The following CDH13 variants were observed in gnomAD, a reference collection of about 807,000 sequenced individuals.
CDH13 encodes the protein cadherin 13.
In CDH13, 24 loss-of-function variants were observed where a neutral mutation model predicts 63.8. The observed-to-expected ratio is 0.38, with a 90% confidence interval of 0.27 to 0.53. The LOEUF is 0.53. CDH13 is among the 20% of genes least tolerant of loss of function. The pLI is 0.85. For missense variants in CDH13, 1,049 were observed against 903.1 expected, an observed-to-expected ratio of 1.16 and a Z score of -2.07; for synonymous variants, 503 against 355.3, an observed-to-expected ratio of 1.42 and a Z score of -4.67.
chr16:83,733,726 C>T (rs1315004459), intron 10 of CDH13, among the ~76,000 whole-genome samples: 2 of 152,184 alleles, frequency 1.3e-5, no homozygotes, highest in African/African-American at 2.4e-5. Flanking sequence ...AGAACAAATA[C>T]AGAGGGGTGA....
chr16:82,909,062 A>C (rs1276803693), intron 2 of CDH13, among the ~76,000 whole-genome samples: 2 of 152,196 alleles, frequency 1.3e-5, no homozygotes, highest in African/African-American at 4.8e-5. Context: ...ACTATACTTT[A>C]AATCATCTCT....
chr16:82,890,508 C>T (rs1329841107), intron 2 of CDH13, among the ~76,000 whole-genome samples: 1 of 152,148 alleles, frequency 6.6e-6, no homozygotes. Context: ...GCTATGGAGT[C>T]ATCAACAGAT....
chr16:83,378,999 A>G (rs1270474156), intron 6 of CDH13, among the ~76,000 whole-genome samples: 1 of 143,218 alleles, frequency 7.0e-6, no homozygotes, highest in African/African-American at 2.5e-5. Flanking sequence ...ATCTATATAT[A>G]TATATATACA....
At chr16:82,697,130 C>A (rs1361016912) in intron 1 of CDH13, among the ~76,000 whole-genome samples, 1 of 152,160 alleles carries the variant, frequency 6.6e-6, no homozygotes, top group Non-Finnish European at 1.5e-5. Flanking sequence ...ATACTGAGTC[C>A]AGGTCCACAC....
At chr16:82,924,745 A>C (rs1429327086) in intron 2 of CDH13, among the ~76,000 whole-genome samples, 1 of 152,194 alleles carries the variant, frequency 6.6e-6, no homozygotes. Flanking sequence ...CCTTCTCAGA[A>C]TACAGAATGA....
In CDH13 at chr16:83,604,715, A is replaced by G. The variant is rs142605006; in HGVS notation, c.1101+2121A>G. ...ATTTCTTTTCAACCTATTTCAAAAT[A>G]AAAACTCAGAGCACATTGTAATATT... On this transcript the variant is annotated intron_variant, in intron 8 of 13. Coordinates refer to ENST00000567109, the MANE Select transcript of CDH13 (RefSeq NM_001257.5). Among the ~76,000 whole-genome samples the G allele has an allele frequency of 6.8e-4, 103 of 152,308 alleles. 2 individuals carry two copies. Among genetic ancestry groups the G allele is most frequent in the Middle Eastern group, 3.4e-3 (1 of 294 alleles).
intron 2 of CDH13, among the ~76,000 whole-genome samples, chr16:82,891,468 T>C (rs1401542172): frequency 6.6e-6 from 1 of 152,216 alleles, no homozygotes. Flanking sequence ...CAACACATTG[T>C]TGAAAATACT....
chr16:83,000,606 T>C (rs182752669), intron 2 of CDH13, among the ~76,000 whole-genome samples: 214 of 150,758 alleles, frequency 1.4e-3, no homozygotes, highest in African/African-American at 5.0e-3. Flanking sequence ...GTTTTGTTTT[T>C]TGAGAGGGAG....
At chr16:83,480,939 G>T (rs1288775817) in intron 6 of CDH13, among the ~76,000 whole-genome samples, 1 of 152,170 alleles carries the variant, frequency 6.6e-6, no homozygotes, top group Admixed American at 6.5e-5. Flanking sequence ...TGACACAGGG[G>T]CAAACACACA....
At chr16:83,451,118 G>A (rs1250302734) in intron 6 of CDH13, among the ~76,000 whole-genome samples, 1 of 152,190 alleles carries the variant, frequency 6.6e-6, no homozygotes, top group Non-Finnish European at 1.5e-5. Context: ...ACATGTTTCT[G>A]AAGCAAAGGA....
At chr16:82,972,153 C>T (rs181393813) in intron 2 of CDH13, among the ~76,000 whole-genome samples, 2 of 152,130 alleles carry the variant, frequency 1.3e-5, no homozygotes, top group African/African-American at 4.8e-5. Flanking sequence ...TGATTAGGCA[C>T]AGAGCAGGAC....
At position 83,346,821 on chromosome 16, in the gene CDH13, T is replaced by C. The variant is rs148739707; in HGVS notation, c.781+1815T>C. Among the ~76,000 whole-genome samples, 889 of 152,368 alleles carry C rather than the reference T, an allele frequency of 5.8e-3. 12 individuals carry two copies. The highest frequency in any genetic ancestry group is 0.021 in the African/African-American group (865 of 41,590). ...TTTGTGTATTTTTTAGATAGAGTTC[T>C]TTATGCACATTGAATTTCTTAAATC... On this transcript the variant is annotated intron_variant, in intron 6 of 13. Coordinates refer to ENST00000567109, the MANE Select transcript of CDH13 (RefSeq NM_001257.5).
intron 7 of CDH13, among the ~76,000 whole-genome samples, chr16:83,549,206 G>A (rs1039841331): frequency 9.9e-5 from 15 of 152,136 alleles, no homozygotes; most frequent in African/African-American, 3.6e-4. Flanking sequence ...TGGAGTCCTT[G>A]GGTCTCACCT....
intron 6 of CDH13, among the ~76,000 whole-genome samples, chr16:83,447,064 A>C (rs928917482): frequency 1.3e-4 from 19 of 142,348 alleles, no homozygotes; most frequent in East Asian, 6.0e-4. Context: ...AAAAAAAAAA[A>C]AAAAAAAAAA....
intron 13 of CDH13, among the ~76,000 whole-genome samples, chr16:83,787,719 G>C (rs1402219030): frequency 6.6e-6 from 1 of 152,188 alleles, no homozygotes; most frequent in Admixed American, 6.5e-5. Context: ...AAGGCAGGCA[G>C]ATCACTTGAG....
At chr16:83,297,721 T>C (rs961363965) in intron 5 of CDH13, among the ~76,000 whole-genome samples, 2 of 152,128 alleles carry the variant, frequency 1.3e-5, no homozygotes, top group East Asian at 3.9e-4. Context: ...GATGTGAACA[T>C]GCCTGGCACA....
chr16:83,349,399 G>T (rs1015414870), intron 6 of CDH13, among the ~76,000 whole-genome samples: 5 of 152,090 alleles, frequency 3.3e-5, no homozygotes, highest in Non-Finnish European at 7.4e-5. Context: ...TGGGTGTTTT[G>T]CCCTCTGGTG....
chr16:82,890,951 C>T (rs1405264110), intron 2 of CDH13, among the ~76,000 whole-genome samples: 1 of 151,728 alleles, frequency 6.6e-6, no homozygotes, highest in Non-Finnish European at 1.5e-5. Context: ...TGTGCCTGGC[C>T]GGCAGCAATT....
intron 5 of CDH13, among the ~76,000 whole-genome samples, chr16:83,326,547 C>T (rs1009876254): frequency 2.6e-5 from 4 of 151,500 alleles, no homozygotes; most frequent in Admixed American, 1.3e-4. Context: ...GAACAAAATT[C>T]AGAAGAGAAG....
Sources: allele counts gnomAD v4.1 joint callset (sites outside exome capture counted in the v4.1 genomes callset), GRCh38; gene constraint gnomAD v4.1.1; transcripts MANE v1.5; gene names NCBI Gene and HGNC (gene_info 2026-07-23, HGNC 2026-07-21).